The following LONP2 variants were observed in gnomAD, a reference collection of about 807,000 sequenced individuals.
LONP2 encodes the protein lon protease homolog 2, peroxisomal.
A neutral mutation model predicts 85.6 loss-of-function variants in LONP2; 60 were observed. The ratio of observed to expected loss-of-function variants is 0.70; its 90% CI spans 0.57 to 0.87. The LOEUF (loss-of-function observed/expected upper bound fraction) is 0.87. Ranked by LOEUF, LONP2 falls within the 40% of genes least tolerant of loss-of-function variation. LONP2 has a pLI of 0.00. For missense variants in LONP2, 860 were observed against 1,063.5 expected (o/e 0.81, Z 2.66); for synonymous variants, 395 against 389.7 (o/e 1.01, Z -0.16).
At chr16:48,277,514 C>G in intron 8 of LONP2, 35 bp downstream of exon 8, 2 of 1,602,910 alleles carry the variant, frequency 1.2e-6, no homozygotes, top group Non-Finnish European at 1.7e-6. Context: ...TGTCTTCATA[C>G]TGGAAGAGTA....
intron 4 of LONP2, among the ~76,000 whole-genome samples, chr16:48,260,364 A>G (rs1379261726): frequency 6.6e-6 from 1 of 152,210 alleles, no homozygotes; most frequent in Non-Finnish European, 1.5e-5. Context: ...TGGGAGGCCA[A>G]GGAAGGAGAA....
intron 1 of LONP2, among the ~76,000 whole-genome samples, chr16:48,249,651 G>A (rs1185460078): frequency 6.6e-6 from 1 of 152,000 alleles, no homozygotes; most frequent in African/African-American, 2.4e-5. Flanking sequence ...CAAGATGGGA[G>A]GATTGCTTGA....
rs189026037 is a variant in LONP2 at position 48,319,972 on chromosome 16, C to T, written c.1796-14244C>T. On this transcript the variant is annotated intron_variant, in intron 11 of 14. Transcript: ENST00000285737. Reference sequence around the variant, plus strand: ...GGTCAGGAGTTCAAGACCAGCCTGGCCAAGATGGTGAAACCCCATCTCTAC... The same window carrying T: ...GGTCAGGAGTTCAAGACCAGCCTGGTCAAGATGGTGAAACCCCATCTCTAC... Among the ~76,000 whole-genome samples the T allele has an allele frequency of 4.4e-3, 664 of 151,980 alleles. 6 individuals are homozygous for T. The highest frequency in any genetic ancestry group is 0.015 in the African/African-American group (635 of 41,448).
At chr16:48,362,141 G>A, downstream of LONP2, 1 of 1,614,188 alleles carries the variant, frequency 6.2e-7, no homozygotes, top group Non-Finnish European at 8.5e-7. This position sits in a 1 kb window ranked among gnomAD's most constrained non-coding sequence, Gnocchi z 4.2. Context: ...ATTTACAGGG[G>A]AAAAGTACTG....
At chr16:48,321,579 A>G (rs1419492327) in intron 11 of LONP2, among the ~76,000 whole-genome samples, 1 of 152,210 alleles carries the variant, frequency 6.6e-6, no homozygotes, top group Non-Finnish European at 1.5e-5. Context: ...AACATCATAG[A>G]GTGTACTTAC....
At chr16:48,331,947 T>G (rs978588827) in intron 11 of LONP2, among the ~76,000 whole-genome samples, 1 of 152,222 alleles carries the variant, frequency 6.6e-6, no homozygotes, top group Non-Finnish European at 1.5e-5. Context: ...AATTTGCTGT[T>G]AAATAGCCAT....
chr16:48,357,607 G>A (rs1960423535), downstream of LONP2, among the ~76,000 whole-genome samples: 1 of 152,140 alleles, frequency 6.6e-6, no homozygotes, highest in Non-Finnish European at 1.5e-5. Flanking sequence ...GACCCCCCAG[G>A]TATGTTGGAT....
intron 8 of LONP2, among the ~76,000 whole-genome samples, chr16:48,293,333 CAGG>C (rs2150993534): frequency 6.6e-6 from 1 of 152,066 alleles, no homozygotes; most frequent in African/African-American, 2.4e-5. Flanking sequence ...GAGGCTGAGG[CAGG>C]AGAATGGCGT....
intron 8 of LONP2, among the ~76,000 whole-genome samples, chr16:48,295,233 A>C (rs1972642830): frequency 6.6e-6 from 1 of 152,098 alleles, no homozygotes; most frequent in Admixed American, 6.6e-5. Context: ...TTAGCCAGGC[A>C]TGGTGGCGCA....
chr16:48,262,525 C>T (rs1031469934), intron 5 of LONP2, among the ~76,000 whole-genome samples: 2 of 152,120 alleles, frequency 1.3e-5, no homozygotes, highest in African/African-American at 4.8e-5. Flanking sequence ...GAAAGCAGAG[C>T]AGAAGGGAAG....
At chr16:48,333,762 T>C (rs922484334) in intron 11 of LONP2, among the ~76,000 whole-genome samples, 3 of 152,096 alleles carry the variant, frequency 2.0e-5, no homozygotes, top group African/African-American at 7.2e-5. Flanking sequence ...GAAAAGTTTG[T>C]CACAAGCCCT....
chr16:48,251,733 G>A (rs1166612443), intron 1 of LONP2, among the ~76,000 whole-genome samples: 3 of 152,142 alleles, frequency 2.0e-5, no homozygotes, highest in Non-Finnish European at 4.4e-5. Flanking sequence ...TCTTAGATTG[G>A]TTTATGCTAT....
intron 7 of LONP2, among the ~76,000 whole-genome samples, chr16:48,271,358 G>A (rs2150977837): frequency 6.6e-6 from 1 of 152,276 alleles, no homozygotes; most frequent in African/African-American, 2.4e-5. Flanking sequence ...TGTAAGTTGT[G>A]AGAAAACATA....
At chr16:48,277,544 A>G (rs1158912462) in intron 8 of LONP2, 65 bp downstream of exon 8, 19 of 1,525,432 alleles carry the variant, frequency 1.2e-5, no homozygotes, top group Non-Finnish European at 1.7e-5. Context: ...GTTGATAATC[A>G]TATTCAAGTG....
chr16:48,244,640 G>A lies in LONP2; in HGVS notation c.233+19G>A. On this transcript the variant is annotated intron_variant, in intron 1 of 14. Coordinates refer to ENST00000285737, the MANE Select transcript of LONP2 (RefSeq NM_031490.5). ...TGCACAGGTAGGCCTGGCTGCCCCC[G>A]CGGCGGCGGCGGGCGGCGCGGCCTC... 7.6e-7 allele frequency: 1 copy of A among 1,309,364 alleles called. No individual in the cohort carries two copies. Among genetic ancestry groups the A allele is most frequent in the Non-Finnish European group, 9.7e-7 (1 of 1,026,682 alleles). 81.1% of individuals were successfully genotyped at this position (1,309,364 alleles called of 1,614,324 possible).
intron 8 of LONP2, among the ~76,000 whole-genome samples, chr16:48,279,938 A>AT (rs1158639183): frequency 1.3e-5 from 2 of 152,178 alleles, no homozygotes; most frequent in African/African-American, 4.8e-5. Flanking sequence ...GAGACCATAC[A>AT]TTCTGGTTTG....
At chr16:48,293,216 C>G (rs1451264983) in intron 8 of LONP2, among the ~76,000 whole-genome samples, 1 of 152,094 alleles carries the variant, frequency 6.6e-6, no homozygotes, top group Non-Finnish European at 1.5e-5. Flanking sequence ...ATCACGAGGT[C>G]AGGAGATCGA....
downstream of LONP2, among the ~76,000 whole-genome samples, chr16:48,360,142 C>G (rs1960523727): frequency 6.6e-6 from 1 of 152,200 alleles, no homozygotes; most frequent in African/African-American, 2.4e-5. Flanking sequence ...AAACTGGGGC[C>G]CAAGGTCACA....
At chr16:48,294,491 C>T (rs570278378) in intron 8 of LONP2, among the ~76,000 whole-genome samples, 13 of 152,192 alleles carry the variant, frequency 8.5e-5, no homozygotes, top group Admixed American at 1.3e-4. Context: ...TGGGGCTGGG[C>T]GTGGTAGCGC....
Sources: gnomAD v4.1 joint callset for allele counts (sites outside exome capture counted in the v4.1 genomes callset) on GRCh38, gnomAD v4.1.1 for gene constraint, Gnocchi (gnomAD v3.1) non-coding constraint, MANE v1.5 for transcripts, NCBI Gene and HGNC (gene_info 2026-07-23, HGNC 2026-07-21) for gene names.